The following SHISA9 variants were observed in gnomAD, a reference collection of about 807,000 sequenced individuals.
SHISA9 encodes protein shisa-9.
Under a neutral mutation model 38.0 loss-of-function variants are expected in SHISA9, and 13 were observed. The observed-to-expected ratio is 0.34, with a 90% CI of 0.22 to 0.54. The LOEUF is 0.54. SHISA9 is among the 20% of genes least tolerant of loss of function. The pLI is 0.91. For missense variants in SHISA9, 538 were observed against 575.8 expected (o/e 0.93, Z 0.67); for synonymous variants, 275 against 242.0 (o/e 1.14, Z -1.27).
At chr16:13,390,059 C>T in the SHISA9 span, among the ~76,000 whole-genome samples, 1 of 152,056 alleles carries the variant, frequency 6.6e-6, no homozygotes, top group Non-Finnish European at 1.5e-5. Flanking sequence ...AATCAGAATG[C>T]TTTGCCTTGG....
chr16:12,909,039 G>C lies in SHISA9; in HGVS notation c.563+6412G>C, dbSNP rs149906107. On this transcript the variant is annotated intron_variant, in intron 1 of 4. Coordinates refer to ENST00000558583, the MANE Select transcript of SHISA9 (RefSeq NM_001145204.3). ...CCTTTTGCCTTCCAGTTTCTCTCCT[G>C]CCTCTCATCTTTCTATGCATTTGTG... 4.9e-3 allele frequency: 4,937 copies of C among 997,540 alleles called. 17 individuals are homozygous for C. The highest frequency in any genetic ancestry group is 0.013 in the Middle Eastern group (25 of 1,948). 61.8% of individuals were successfully genotyped at this position (997,540 alleles called of 1,614,324 possible). A position where few individuals can be genotyped will look rare whatever the true frequency, so the allele number is the denominator to read the frequency against.
the SHISA9 span, among the ~76,000 whole-genome samples, chr16:13,275,106 G>A: frequency 2.0e-5 from 3 of 152,094 alleles, no homozygotes; most frequent in Non-Finnish European, 4.4e-5. Flanking sequence ...CGTGAGATTG[G>A]GTAATAAAGA....
intron 2 of SHISA9, among the ~76,000 whole-genome samples, chr16:13,037,101 C>G (rs1323113443): frequency 1.2e-4 from 7 of 58,074 alleles, no homozygotes; most frequent in East Asian, 3.2e-4. Context: ...CACACACACA[C>G]ACACACAGAC....
chr16:12,996,707 G>A (rs2072461752), intron 2 of SHISA9, among the ~76,000 whole-genome samples: 1 of 152,120 alleles, frequency 6.6e-6, no homozygotes, highest in Non-Finnish European at 1.5e-5. Context: ...CCATAGAGTT[G>A]AAGGGGAGAT....
At chr16:13,356,490 G>T in the SHISA9 span, among the ~76,000 whole-genome samples, 3 of 152,148 alleles carry the variant, frequency 2.0e-5, no homozygotes, top group South Asian at 6.2e-4. Flanking sequence ...TGGGCAGGAG[G>T]GGGAGGGCTA....
chr16:13,125,123 C>T (rs1350773750), intron 2 of SHISA9, among the ~76,000 whole-genome samples: 1 of 152,078 alleles, frequency 6.6e-6, no homozygotes, highest in East Asian at 1.9e-4. Context: ...AATGGGATCC[C>T]ATCAAGTTAA....
At chr16:12,941,106 C>G (rs2071604830) in intron 2 of SHISA9, among the ~76,000 whole-genome samples, 1 of 152,172 alleles carries the variant, frequency 6.6e-6, no homozygotes, top group African/African-American at 2.4e-5. Context: ...AATCCCAGCA[C>G]TTGGGGAGGC....
At chr16:13,028,526 C>G (rs1236087440) in intron 2 of SHISA9, among the ~76,000 whole-genome samples, 1 of 152,136 alleles carries the variant, frequency 6.6e-6, no homozygotes, top group Non-Finnish European at 1.5e-5. Flanking sequence ...ATAAAACCAT[C>G]AGATCTCGTG....
intron 4 of SHISA9, among the ~76,000 whole-genome samples, chr16:13,218,003 C>T (rs113877699): frequency 0.023 from 2,858 of 124,810 alleles, 52 homozygotes; most frequent in Non-Finnish European, 0.034. Context: ...GCACTCCAAC[C>T]TGAGAGAGAA....
chr16:13,438,325 G>A, the SHISA9 span, among the ~76,000 whole-genome samples: 2 of 152,102 alleles, frequency 1.3e-5, no homozygotes, highest in Non-Finnish European at 2.9e-5. Flanking sequence ...CACATAGGAG[G>A]TGCTCAAACA....
At chr16:13,400,225 C>A in the SHISA9 span, among the ~76,000 whole-genome samples, 1 of 152,148 alleles carries the variant, frequency 6.6e-6, no homozygotes, top group Non-Finnish European at 1.5e-5. Flanking sequence ...CCGGTAGAAC[C>A]ATTCTGAGGC....
chr16:13,246,439 A>G, the SHISA9 span: 14 of 152,352 alleles, frequency 9.2e-5, no homozygotes, highest in African/African-American at 2.6e-4. Context: ...AGTCTCAGGT[A>G]TATCTTTATC....
At chr16:13,323,651 T>C in the SHISA9 span, among the ~76,000 whole-genome samples, 1 of 152,048 alleles carries the variant, frequency 6.6e-6, no homozygotes, top group East Asian at 1.9e-4. Context: ...TGTACAATCA[T>C]GGTGGAAGGC....
At chr16:13,461,350 C>T in the SHISA9 span, among the ~76,000 whole-genome samples, 5 of 152,068 alleles carry the variant, frequency 3.3e-5, no homozygotes, top group South Asian at 2.1e-4. Flanking sequence ...GAGGCCAAGG[C>T]GGGTGGATCA....
the SHISA9 span, among the ~76,000 whole-genome samples, chr16:13,308,278 G>C: frequency 6.6e-6 from 1 of 151,006 alleles, no homozygotes; most frequent in Non-Finnish European, 1.5e-5. Context: ...AAAGAAGCTT[G>C]TCTGGTGTGT....
chr16:13,535,552 G>T, the SHISA9 span, among the ~76,000 whole-genome samples: 1 of 152,276 alleles, frequency 6.6e-6, no homozygotes, highest in East Asian at 1.9e-4. Context: ...CTACAGCTGT[G>T]TTTATGCTAT....
intron 2 of SHISA9, among the ~76,000 whole-genome samples, chr16:13,131,813 T>A (rs1567222483): frequency 6.6e-6 from 1 of 151,978 alleles, no homozygotes; most frequent in Non-Finnish European, 1.5e-5. Flanking sequence ...TGGGACAGAG[T>A]TCTGGTCCTG....
In SHISA9 at chr16:13,073,971, T is replaced by G. The variant is rs201757385; in HGVS notation, c.692-129423T>G. Reference sequence around the variant, plus strand: ...TTCTGCTGGTCGTTTTTTTTTTTGTTTTTTTTTTTTGTGGGGGGTGCAGAG... The same window carrying G: ...TTCTGCTGGTCGTTTTTTTTTTTGTGTTTTTTTTTTGTGGGGGGTGCAGAG... On this transcript the variant is annotated intron_variant, in intron 2 of 4. Coordinates refer to ENST00000558583, the MANE Select transcript of SHISA9 (RefSeq NM_001145204.3). 6.3e-4 allele frequency among the ~76,000 whole-genome samples: 38 copies of G among 60,480 alleles called. 1 individual carries two copies. The highest frequency in any genetic ancestry group is 2.6e-3 in the African/African-American group (25 of 9,794). The allele number at this position is 60,480 out of a possible 152,430, so 39.7% of individuals were successfully genotyped here.
the SHISA9 span, among the ~76,000 whole-genome samples, chr16:13,507,356 T>C: frequency 0.26 from 39,135 of 151,900 alleles, 5,678 homozygotes; most frequent in African/African-American, 0.4. Flanking sequence ...ATTTTGGGCC[T>C]CCAGATATCT....
Sources: allele counts gnomAD v4.1 joint callset (sites outside exome capture counted in the v4.1 genomes callset), GRCh38; gene constraint gnomAD v4.1.1; transcripts MANE v1.5; gene names NCBI Gene and HGNC (gene_info 2026-07-23, HGNC 2026-07-21).